PAPPA2: variants seen among roughly 807,000 people sequenced by gnomAD.
PAPPA2 encodes pappalysin-2.
Under a neutral mutation model 176.4 loss-of-function variants are expected in PAPPA2, and 86 were observed. That is an observed-to-expected ratio of 0.49 (90% confidence interval 0.41 to 0.58). The LOEUF is 0.58. Among genes scored for constraint, PAPPA2 ranks in the 20% least tolerant of loss-of-function variants. The pLI is 0.00. For missense variants in PAPPA2, 2,073 were observed against 2,256.9 expected (o/e 0.92, Z 1.65); for synonymous variants, 809 against 852.2 (o/e 0.95, Z 0.88).
At chr1:176,682,390 C>T (rs938413155) in intron 4 of PAPPA2, among the ~76,000 whole-genome samples, 4 of 152,304 alleles carry the variant, frequency 2.6e-5, no homozygotes, top group Middle Eastern at 6.8e-3. Flanking sequence ...AGCATGGTTA[C>T]AGTCTACAAC....
chr1:176,759,473 A>T lies in PAPPA2; in HGVS notation c.4152-6193A>T, dbSNP rs143719342. 3.0e-4 allele frequency among the ~76,000 whole-genome samples: 45 copies of T among 151,904 alleles called. 1 individual carries two copies. The East Asian group carries it at 8.5e-3, about 29-fold the overall frequency. The stretch of plus-strand genomic sequence containing the variant: ...AAATGGAGTTTTTAATCTTTCACGC[A>T]CTCTTACATAGGAAAAAAAATTATT... On this transcript the variant is annotated intron_variant, in intron 14 of 22. Transcript: ENST00000367662.
intron 3 of PAPPA2, among the ~76,000 whole-genome samples, chr1:176,606,983 G>C (rs1050511622): frequency 2.6e-5 from 4 of 152,136 alleles, no homozygotes; most frequent in Non-Finnish European, 5.9e-5. Flanking sequence ...TGAACCATAA[G>C]CAATTAGGAG....
chr1:176,740,519 C>G (rs1377947231), intron 14 of PAPPA2, among the ~76,000 whole-genome samples: 1 of 152,132 alleles, frequency 6.6e-6, no homozygotes, highest in African/African-American at 2.4e-5. Context: ...AAATTCTCTG[C>G]CAAAAACTCA....
chr1:176,604,099 A>G (rs1459976111), intron 3 of PAPPA2, among the ~76,000 whole-genome samples: 1 of 152,094 alleles, frequency 6.6e-6, no homozygotes. Context: ...CTTTTCTGGA[A>G]TATTCTTCCT....
At chr1:176,623,791 CT>C (rs1655837839) in intron 3 of PAPPA2, among the ~76,000 whole-genome samples, 1 of 107,904 alleles carries the variant, frequency 9.3e-6, no homozygotes, top group African/African-American at 3.6e-5. Context: ...TTCTTTCTTT[CT>C]TTCTTTCTTT....
In PAPPA2 at chr1:176,527,753, GAAGAAACCCTCCACC is replaced by G. The variant is rs1474766282; in HGVS notation, c.-916-27649_-916-27635del. ...AGAGCCAAAAAGAAGTTTCCATTCA[GAAGAAACCCTCCACC>G]AAGACTGGTGCTTTGATTTAAAGGG... On this transcript the variant is annotated intron_variant, in intron 1 of 22. Transcript: ENST00000367662. Among the ~76,000 whole-genome samples, 14 of 152,262 alleles carry G rather than the reference GAAGAAACCCTCCACC, an allele frequency of 9.2e-5. No individual in the cohort carries two copies. The East Asian group carries it at 2.7e-3, about 29-fold the overall frequency.
chr1:176,490,379 GA>G (rs1379690586), intron 1 of PAPPA2, among the ~76,000 whole-genome samples: 3 of 152,146 alleles, frequency 2.0e-5, no homozygotes, highest in African/African-American at 7.2e-5. Flanking sequence ...CCTGATAATA[GA>G]GGTATTTTGG....
chr1:176,669,172 A>G (rs1004490650), intron 3 of PAPPA2, among the ~76,000 whole-genome samples: 2 of 152,168 alleles, frequency 1.3e-5, no homozygotes, highest in African/African-American at 4.8e-5. Context: ...CCAACTCCCA[A>G]TTTTAATTGG....
At chr1:176,486,457 T>C (rs187788122) in intron 1 of PAPPA2, among the ~76,000 whole-genome samples, 47 of 152,262 alleles carry the variant, frequency 3.1e-4, no homozygotes, top group Admixed American at 1.5e-3. Context: ...ATCTCTACAG[T>C]GCACTGTAGA....
chr1:176,727,237 A>G (rs897398368), intron 12 of PAPPA2, among the ~76,000 whole-genome samples: 12 of 152,176 alleles, frequency 7.9e-5, no homozygotes, highest in African/African-American at 2.7e-4. Context: ...CATTAATTAC[A>G]TTATTTAAAT....
At chr1:176,515,324 C>T (rs1325870315) in intron 1 of PAPPA2, among the ~76,000 whole-genome samples, 1 of 152,124 alleles carries the variant, frequency 6.6e-6, no homozygotes, top group Non-Finnish European at 1.5e-5. Flanking sequence ...ACTTGAACTG[C>T]ACTGGAGGAT....
In PAPPA2 at chr1:176,844,022, C is replaced by T. The variant is rs1018312274; in HGVS notation, c.*1568C>T. 6.6e-6 allele frequency: 1 copy of T among 152,110 alleles called. No individual in the cohort carries two copies. The highest frequency in any genetic ancestry group is 2.4e-5 in the African/African-American group (1 of 41,422). 9.4% of individuals were successfully genotyped at this position (152,110 alleles called of 1,614,324 possible). ...CATGAAATGACCATATTAAGCCTCT[C>T]TCTATTTACATCCCAGGCTCACTGG... On this transcript the variant is annotated 3_prime_UTR_variant, in exon 23 of 23. Transcript: ENST00000367662.
Position 176,842,555 on chromosome 1 carries a change from A to T in PAPPA2, c.*101A>T. The T allele has an allele frequency of 9.2e-7, 1 of 1,088,210 alleles. No homozygotes were observed. Among genetic ancestry groups the T allele is most frequent in the South Asian group, 1.4e-5 (1 of 73,866 alleles). 67.4% of individuals were successfully genotyped at this position (1,088,210 alleles called of 1,614,324 possible). A position where few individuals can be genotyped will look rare whatever the true frequency, so the allele number is the denominator to read the frequency against. On this transcript the variant is annotated 3_prime_UTR_variant, in exon 23 of 23. Transcript: ENST00000367662. ...GTGAATGAAGAAGAACAATCATGAAATGGAAGAAGGAGGAAGAGCATGAAG... is the reference window on the plus strand; with the variant it reads ...GTGAATGAAGAAGAACAATCATGAATTGGAAGAAGGAGGAAGAGCATGAAG...
intron 1 of PAPPA2, among the ~76,000 whole-genome samples, chr1:176,486,143 A>G (rs755012882): frequency 2.0e-5 from 3 of 152,252 alleles, no homozygotes; most frequent in Admixed American, 6.5e-5. Flanking sequence ...TCAAAGGGAA[A>G]TTTATGCCCT....
intron 1 of PAPPA2, chr1:176,553,524 G>C (rs1199986537): frequency 6.6e-6 from 1 of 152,128 alleles, no homozygotes; most frequent in African/African-American, 2.4e-5. Context: ...AGCTGAAGGA[G>C]AGTGGTGAGC....
intron 1 of PAPPA2, among the ~76,000 whole-genome samples, chr1:176,521,116 G>GAGAC (rs957909365): frequency 3.2e-5 from 2 of 62,734 alleles, no homozygotes; most frequent in African/African-American, 2.6e-4. Flanking sequence ...GACAGAGACA[G>GAGAC]AGAGAGAGAG....
At chr1:176,766,542 A>T (rs1663972759) in intron 15 of PAPPA2, among the ~76,000 whole-genome samples, 1 of 152,224 alleles carries the variant, frequency 6.6e-6, no homozygotes, top group Admixed American at 6.5e-5. Context: ...ACATTTTTTA[A>T]ATGATTAGAA....
chr1:176,595,631 G>A (rs1439897774), intron 3 of PAPPA2, 36 bp downstream of exon 3: 1 of 1,560,524 alleles, frequency 6.4e-7, no homozygotes, highest in East Asian at 2.3e-5. Context: ...CTACTTGTAG[G>A]ATGCATTTCT....
intron 12 of PAPPA2, among the ~76,000 whole-genome samples, chr1:176,720,940 G>GGAA (rs1310700378): frequency 6.6e-6 from 1 of 152,110 alleles, no homozygotes; most frequent in Non-Finnish European, 1.5e-5. Flanking sequence ...TTCCTGCTCT[G>GGAA]GAAGAGGAAG....
Sources: gnomAD v4.1 joint callset for allele counts (sites outside exome capture counted in the v4.1 genomes callset) on GRCh38, gnomAD v4.1.1 for gene constraint, MANE v1.5 for transcripts, NCBI Gene and HGNC (gene_info 2026-07-23, HGNC 2026-07-21) for gene names.